CELF4: variants seen among roughly 807,000 people sequenced by gnomAD.
The protein encoded by CELF4 is CUG-BP- and ETR-3-like factor 4.
Under a neutral mutation model 59.9 loss-of-function variants are expected in CELF4, and 18 were observed. The observed-to-expected ratio is 0.30, with a 90% confidence interval of 0.21 to 0.45. The LOEUF (loss-of-function observed/expected upper bound fraction) is 0.45. Among genes scored for constraint, CELF4 ranks in the 20% least tolerant of loss-of-function variants. The pLI is 1.00. For synonymous variants in CELF4, 261 were observed against 267.1 expected, an observed-to-expected ratio of 0.98 and a Z score of 0.22; for missense variants, 456 against 689.0, an observed-to-expected ratio of 0.66 and a Z score of 3.79.
chr18:37,359,803 T>C (rs1389963301), intron 2 of CELF4, among the ~76,000 whole-genome samples: 2 of 151,914 alleles, frequency 1.3e-5, no homozygotes, highest in Non-Finnish European at 2.9e-5. Flanking sequence ...CACCTCAGCC[T>C]CCTAAAGTGC....
At chr18:37,420,337 T>C (rs2099570269) in intron 2 of CELF4, among the ~76,000 whole-genome samples, 2 of 152,360 alleles carry the variant, frequency 1.3e-5, no homozygotes, top group Non-Finnish European at 2.9e-5. Context: ...CTTGGTTTCC[T>C]TATCTGGTAA....
chr18:37,272,211 C>CACTA (rs2154351940), intron 7 of CELF4, among the ~76,000 whole-genome samples: 1 of 152,306 alleles, frequency 6.6e-6, no homozygotes, highest in African/African-American at 2.4e-5. Flanking sequence ...CGTTTCTCAA[C>CACTA]TTTGACACTA....
At chr18:37,523,500 C>A (rs1326928999) in intron 1 of CELF4, among the ~76,000 whole-genome samples, 4 of 152,142 alleles carry the variant, frequency 2.6e-5, no homozygotes, top group African/African-American at 9.7e-5. Context: ...GTTTGGTGAC[C>A]CCGGCTGGGG....
chr18:37,449,416 G>A (rs1466716846), intron 2 of CELF4, among the ~76,000 whole-genome samples: 1 of 152,150 alleles, frequency 6.6e-6, no homozygotes, highest in Non-Finnish European at 1.5e-5. Flanking sequence ...CTGCTTCCAG[G>A]CTGGCTATGG....
In CELF4 at chr18:37,387,052, C is replaced by T. The variant is rs567701645; in HGVS notation, c.370-65171G>A. Among the ~76,000 whole-genome samples, 152 of 152,332 alleles carry T rather than the reference C, an allele frequency of 1.0e-3. No homozygotes were observed. The South Asian group carries it at 0.015, about 15-fold the overall frequency. The stretch of plus-strand genomic sequence containing the variant: ...GGCTGAGCCTGCTGCGCTGTGGAGG[C>T]GGCTCCCCAGCCCCGGCTGGCCTCA... On this transcript the variant is annotated intron_variant, in intron 2 of 12. Transcript: ENST00000420428.
intron 2 of CELF4, chr18:37,473,486 C>T (rs11659709): frequency 0.45 from 68,281 of 152,044 alleles, 16,489 homozygotes; most frequent in East Asian, 0.64. Context: ...ACACAGAGGA[C>T]GCAAATATGC....
intron 3 of CELF4, among the ~76,000 whole-genome samples, chr18:37,303,324 G>A (rs1278774939): frequency 6.6e-6 from 1 of 152,136 alleles, no homozygotes; most frequent in African/African-American, 2.4e-5. Context: ...TTGAAATCCT[G>A]GCAGAGGTCT....
intron 12 of CELF4, among the ~76,000 whole-genome samples, chr18:37,252,753 T>C (rs558582719): frequency 1.3e-5 from 2 of 150,782 alleles, no homozygotes; most frequent in African/African-American, 4.9e-5. Flanking sequence ...TCACACGTCA[T>C]TGTTTATTGT....
chr18:37,557,622 A>C (rs1031473367), intron 1 of CELF4, among the ~76,000 whole-genome samples: 1 of 152,220 alleles, frequency 6.6e-6, no homozygotes, highest in African/African-American at 2.4e-5. Flanking sequence ...AGCAGAGTGC[A>C]TTGCAATAAA....
At chr18:37,369,636 G>T (rs1015321079) in intron 2 of CELF4, among the ~76,000 whole-genome samples, 1 of 152,146 alleles carries the variant, frequency 6.6e-6, no homozygotes, top group Non-Finnish European at 1.5e-5. Context: ...ACCTACACTT[G>T]ACTCCACCAC....
intron 3 of CELF4, among the ~76,000 whole-genome samples, chr18:37,299,615 T>C (rs767193548): frequency 6.6e-6 from 1 of 152,244 alleles, no homozygotes; most frequent in Non-Finnish European, 1.5e-5. Flanking sequence ...GCGTGAGCAC[T>C]GCTGCCTCTC....
chr18:37,343,179 T>G (rs1053456792), intron 2 of CELF4, among the ~76,000 whole-genome samples: 6 of 152,198 alleles, frequency 3.9e-5, no homozygotes, highest in Admixed American at 1.3e-4. Context: ...TCTTCTACCC[T>G]TACTTTCTGA....
intron 2 of CELF4, among the ~76,000 whole-genome samples, chr18:37,444,531 A>AC (rs1174131125): frequency 1.3e-5 from 2 of 151,630 alleles, no homozygotes; most frequent in African/African-American, 4.9e-5. Context: ...GCCCTGCTCT[A>AC]CCCAAAAGCC....
chr18:37,299,859 C>A (rs1256195048), intron 3 of CELF4, among the ~76,000 whole-genome samples: 1 of 152,116 alleles, frequency 6.6e-6, no homozygotes, highest in African/African-American at 2.4e-5. Flanking sequence ...TGGTCCCCAC[C>A]CCCATCTCTC....
Position 37,565,701 on chromosome 18 carries a change from G to GCTCT in CELF4, c.-61_-60insAGAG. ...TCACACTCTCTCGCTCCTCTCTCTC[G>GCTCT]CTCGCTCGCGCTCACACACGCACAC... is the stretch of plus-strand genomic sequence containing the variant. On this transcript the variant is annotated 5_prime_UTR_variant, in exon 1 of 13. Transcript: ENST00000420428. 4.8e-6 allele frequency: 7 copies of GCTCT among 1,456,200 alleles called. No individual in the cohort carries two copies. Among genetic ancestry groups the GCTCT allele is most frequent in the South Asian group, 4.1e-5 (3 of 73,034 alleles). 90.2% of individuals were successfully genotyped at this position (1,456,200 alleles called of 1,614,324 possible).
At chr18:37,378,046 C>T (rs1367390994) in intron 2 of CELF4, among the ~76,000 whole-genome samples, 3 of 152,104 alleles carry the variant, frequency 2.0e-5, no homozygotes, top group Non-Finnish European at 2.9e-5. Context: ...CCAGGAGCCT[C>T]GTGCTGGGTA....
chr18:37,389,862 C>T (rs1430402820), intron 2 of CELF4, among the ~76,000 whole-genome samples: 1 of 152,236 alleles, frequency 6.6e-6, no homozygotes, highest in Admixed American at 6.5e-5. Flanking sequence ...CACAAACACA[C>T]ACAGGCACAG....
At chr18:37,517,010 T>G (rs948628259) in intron 1 of CELF4, among the ~76,000 whole-genome samples, 1 of 152,208 alleles carries the variant, frequency 6.6e-6, no homozygotes, top group African/African-American at 2.4e-5. Flanking sequence ...CAACTCTGGG[T>G]ATCACACAGC....
chr18:37,414,835 A>G (rs183374013), intron 2 of CELF4, among the ~76,000 whole-genome samples: 2 of 151,764 alleles, frequency 1.3e-5, no homozygotes, highest in East Asian at 3.9e-4. Context: ...CCACTCATCC[A>G]TCTACCCATC....
Sources: allele counts gnomAD v4.1 joint callset (sites outside exome capture counted in the v4.1 genomes callset), GRCh38; gene constraint gnomAD v4.1.1; transcripts MANE v1.5; gene names NCBI Gene and HGNC (gene_info 2026-07-23, HGNC 2026-07-21).